The following NECAP1 variants were observed in gnomAD, a reference collection of about 807,000 sequenced individuals.
NECAP1 encodes NECAP endocytosis associated 1.
A neutral mutation model predicts 33.4 loss-of-function variants in NECAP1; 13 were observed. The ratio of observed to expected loss-of-function variants is 0.39; its 90% CI spans 0.25 to 0.62. The LOEUF is 0.62. NECAP1 is among the 20% of genes least tolerant of loss of function. NECAP1 has a pLI of 0.52. For synonymous variants in NECAP1, 109 were observed against 125.2 expected (o/e 0.87, Z 0.86); for missense variants, 272 against 347.4 (o/e 0.78, Z 1.73).
chr12:8,096,257 T>C lies in NECAP1; in HGVS notation c.*167T>C. On this transcript the variant is annotated 3_prime_UTR_variant, in exon 8 of 8. Transcript: ENST00000339754. The stretch of plus-strand genomic sequence containing the variant: ...TTCAAGCTGGTTTATGTCACTCCCC[T>C]GTGTTGTTACTTGTACAGCCAAGAA... 1 of 668,332 alleles carries C rather than the reference T, an allele frequency of 1.5e-6. No individual in the cohort carries two copies. The highest frequency in any genetic ancestry group is 2.0e-5 in the South Asian group (1 of 50,662). 41.4% of individuals were successfully genotyped at this position (668,332 alleles called of 1,614,324 possible).
At chr12:8,090,099 C>T (rs1947529344) in intron 2 of NECAP1, 63 bp downstream of exon 2, 3 of 1,579,392 alleles carry the variant, frequency 1.9e-6, no homozygotes, top group Non-Finnish European at 1.7e-6. Flanking sequence ...TTATAAGTAC[C>T]TTCAATTTGG....
rs1312038108 is a variant in NECAP1 at position 8,085,266 on chromosome 12, C to T, written c.95+2883C>T. The stretch of plus-strand genomic sequence containing the variant: ...AACTCTTGACCTCGTGATCCGCCTG[C>T]CTTGGCCTCCCAAAGTGCTGGGATT... On this transcript the variant is annotated intron_variant, in intron 1 of 7. Transcript: ENST00000339754. 4.6e-5 allele frequency among the ~76,000 whole-genome samples: 7 copies of T among 152,350 alleles called. No individual in the cohort carries two copies. In the East Asian group the frequency reaches 1.3e-3, roughly 29 times the overall value.
intron 1 of NECAP1, among the ~76,000 whole-genome samples, chr12:8,087,754 C>T (rs761604055): frequency 6.6e-6 from 1 of 152,010 alleles, no homozygotes. Context: ...AGTAATAACT[C>T]ATTAATATAA....
Position 8,097,628 on chromosome 12 carries a change from C to T in NECAP1, c.*1538C>T, listed in dbSNP as rs930387439. 1.3e-5 allele frequency: 2 copies of T among 152,532 alleles called. No homozygotes were observed. Among genetic ancestry groups the T allele is most frequent in the African/African-American group, 4.8e-5 (2 of 41,410 alleles). The allele number at this position is 152,532 out of a possible 1,614,324, so 9.4% of individuals were successfully genotyped here. A position where few individuals can be genotyped will look rare whatever the true frequency, so the allele number is the denominator to read the frequency against. ...CTGGGAACCTATTTTCTCAATCTTC[C>T]TCCATGTTGTGTTCTTTGTATTCTT... is the stretch of plus-strand genomic sequence containing the variant. On this transcript the variant is annotated 3_prime_UTR_variant, in exon 8 of 8. Transcript: ENST00000339754.
chr12:8,083,726 GTC>G, intron 1 of NECAP1, among the ~76,000 whole-genome samples: 2 of 134,528 alleles, frequency 1.5e-5, no homozygotes, highest in Non-Finnish European at 3.1e-5. Flanking sequence ...ACGCCCAGCC[GTC>G]GTTTTTTTTT....
chr12:8,093,544 T>C (rs1947568865), intron 6 of NECAP1: 1 of 155,290 alleles, frequency 6.4e-6, no homozygotes, highest in Admixed American at 6.4e-5. Context: ...CTGGGCAACA[T>C]GATGAAATCC....
chr12:8,093,020 C>T lies in NECAP1; in HGVS notation c.641C>T (p.Pro214Leu), dbSNP rs1185462588. Reference sequence around the variant, plus strand: ...ATCAGCAATCATGTCACCCCACCACCCATTCCGAAATCTAACCATGGAGGC... The same window carrying T: ...ATCAGCAATCATGTCACCCCACCACTCATTCCGAAATCTAACCATGGAGGC... Reference protein sequence around the residue: ...VAISNHVTPPPIPKSNHGGSD... With the variant: ...VAISNHVTPPLIPKSNHGGSD... The change falls in exon 6 of 8, where the codon CCC (proline) becomes CTC (leucine). Residue 214 changes from proline (P) to leucine (L), a missense_variant. By Grantham distance (98) the Pro-to-Leu change is moderately conservative. Transcript: ENST00000339754. The T allele has an allele frequency of 6.2e-7, 1 of 1,614,162 alleles. No homozygotes were observed. Among genetic ancestry groups the T allele is most frequent in the South Asian group, 1.1e-5 (1 of 91,084 alleles).
intron 1 of NECAP1, among the ~76,000 whole-genome samples, chr12:8,086,960 CA>C (rs745895683): frequency 1.4e-5 from 2 of 146,074 alleles, no homozygotes; most frequent in African/African-American, 5.0e-5. Context: ...CACACACACA[CA>C]AATAAATAAA....
chr12:8,095,562 A>G, intron 6 of NECAP1, 39 bp from the exon 7 acceptor site: 1 of 1,545,124 alleles, frequency 6.5e-7, no homozygotes, highest in Non-Finnish European at 8.9e-7. Flanking sequence ...CAAGATTTTG[A>G]TTATGTTTTT....
chr12:8,084,372 G>A (rs778067074), intron 1 of NECAP1, among the ~76,000 whole-genome samples: 1 of 152,100 alleles, frequency 6.6e-6, no homozygotes, highest in East Asian at 1.9e-4. Flanking sequence ...TTCTTTGGGA[G>A]GCCCTATGTG....
In NECAP1 at chr12:8,096,023, C is replaced by G. The variant is rs1361409634; in HGVS notation, c.780-19C>G. 6.2e-7 allele frequency: 1 copy of G among 1,613,890 alleles called. No homozygotes were observed. The highest frequency in any genetic ancestry group is 8.5e-7 in the Non-Finnish European group (1 of 1,179,830). On this transcript the variant is annotated intron_variant, in intron 7 of 7. Coordinates refer to ENST00000339754, the MANE Select transcript of NECAP1 (RefSeq NM_015509.4). ...CCTAATATTATGTCTCTGGCTTTCT[C>G]TGTTCTCCTGTCTTGCAGCTCTGTT...
In NECAP1 at chr12:8,097,378, C is replaced by T. The variant is rs769946715; in HGVS notation, c.*1288C>T. 1 of 152,552 alleles carries T rather than the reference C, an allele frequency of 6.6e-6. No individual in the cohort carries two copies. The highest frequency in any genetic ancestry group is 2.4e-5 in the African/African-American group (1 of 41,434). The allele number at this position is 152,552 out of a possible 1,614,324, so 9.4% of individuals were successfully genotyped here. ...AAGATATCATTGCTTCCTTTTTGCACCTATTGGGTATGTACACTCTGGCCG... is the reference window on the plus strand; with the variant it reads ...AAGATATCATTGCTTCCTTTTTGCATCTATTGGGTATGTACACTCTGGCCG... On this transcript the variant is annotated 3_prime_UTR_variant, in exon 8 of 8. Transcript: ENST00000339754.
At chr12:8,095,904 A>G (rs2120496202) in intron 7 of NECAP1, 138 bp from the exon 8 acceptor site, 1 of 1,195,190 alleles carries the variant, frequency 8.4e-7, no homozygotes, top group South Asian at 1.4e-5. Context: ...GGGATATTTC[A>G]GGCCTTTGTA....
At position 8,096,505 on chromosome 12, in the gene NECAP1, G is replaced by C. The variant is rs1262208149; in HGVS notation, c.*415G>C. The C allele has an allele frequency of 2.6e-5, 4 of 156,686 alleles. No individual in the cohort carries two copies. The highest frequency in any genetic ancestry group is 6.4e-5 in the Admixed American group (1 of 15,516). The allele number at this position is 156,686 out of a possible 1,614,324, so 9.7% of individuals were successfully genotyped here. ...GAAGCCCTATTTAGCAATTTCAGGG[G>C]AGTCAAAAACCTTGCAACTTCCTTC... On this transcript the variant is annotated 3_prime_UTR_variant, in exon 8 of 8. Transcript: ENST00000339754.
chr12:8,094,886 C>T (rs928843383), intron 6 of NECAP1: 1 of 152,460 alleles, frequency 6.6e-6, no homozygotes, highest in Non-Finnish European at 1.5e-5. Context: ...CCATCTCCCT[C>T]TCATCCTTTC....
chr12:8,087,938 C>G (rs1947506816), intron 1 of NECAP1, among the ~76,000 whole-genome samples: 1 of 152,118 alleles, frequency 6.6e-6, no homozygotes, highest in Non-Finnish European at 1.5e-5. Context: ...TACCTCTCAT[C>G]TTGTTAAACT....
intron 1 of NECAP1, among the ~76,000 whole-genome samples, chr12:8,085,318 T>A (rs763752627): frequency 6.6e-6 from 1 of 152,128 alleles, no homozygotes; most frequent in South Asian, 2.1e-4. Context: ...GCACCCGGCC[T>A]ACTTCAAGCT....
intron 4 of NECAP1, 94 bp downstream of exon 4, chr12:8,091,944 T>C (rs748722704): frequency 1.5e-5 from 17 of 1,107,584 alleles, no homozygotes; most frequent in Non-Finnish European, 2.3e-5. Context: ...TCCTGGTTTC[T>C]TTGTTTCTTA....
chr12:8,097,128 A>G lies in NECAP1; in HGVS notation c.*1038A>G, dbSNP rs1364494044. On this transcript the variant is annotated 3_prime_UTR_variant, in exon 8 of 8. Transcript: ENST00000339754. ...GAAAGCTGCTATTATGTATATTGTC[A>G]TTTGTGAAGGAAGTTGGAGAGTCAC... 6.6e-6 allele frequency: 1 copy of G among 152,498 alleles called. No individual in the cohort carries two copies. Among genetic ancestry groups the G allele is most frequent in the Non-Finnish European group, 1.5e-5 (1 of 68,002 alleles). 9.4% of individuals were successfully genotyped at this position (152,498 alleles called of 1,614,324 possible).
Sources: allele counts gnomAD v4.1 joint callset (sites outside exome capture counted in the v4.1 genomes callset), GRCh38; gene constraint gnomAD v4.1.1; transcripts MANE v1.5; gene names NCBI Gene and HGNC (gene_info 2026-07-23, HGNC 2026-07-21).